The following RUSC2 variants were observed in gnomAD, a reference collection of about 807,000 sequenced individuals.
RUSC2 encodes the protein AP-4 complex accessory subunit RUSC2.
RUSC2 carries 34 observed loss-of-function variants against 122.2 expected under a neutral mutation model. The observed-to-expected ratio is 0.28, with a 90% CI of 0.21 to 0.37. RUSC2 has a LOEUF of 0.37. Ranked by LOEUF, RUSC2 falls within the 10% of genes least tolerant of loss-of-function variation. The probability of loss-of-function intolerance (pLI) is 1.00; values close to 1 mark genes in which losing one functional copy is unlikely to be tolerated. For synonymous variants in RUSC2, 784 were observed against 790.0 expected, an observed-to-expected ratio of 0.99 and a Z score of 0.13; for missense variants, 1,747 against 1,952.4, an observed-to-expected ratio of 0.89 and a Z score of 1.98.
chr9:35,558,429 G>A lies in RUSC2; in HGVS notation c.3236-33G>A, dbSNP rs778282023. The A allele has an allele frequency of 1.2e-5, 19 of 1,613,840 alleles. No individual in the cohort carries two copies. Among genetic ancestry groups the A allele is most frequent in the Non-Finnish European group, 1.5e-5 (18 of 1,179,892 alleles). ...GCTGAATTTAGGGCTCCAGAAATTGGTCATGTGACCTGCAACCCTGGCTTC... is the reference window on the plus strand; with the variant it reads ...GCTGAATTTAGGGCTCCAGAAATTGATCATGTGACCTGCAACCCTGGCTTC... On this transcript the variant is annotated intron_variant, in intron 7 of 11. Coordinates refer to ENST00000361226, the MANE Select transcript of RUSC2 (RefSeq NM_014806.5). The surrounding 1 kb of genome is among the most constrained non-coding windows in gnomAD (Gnocchi z 4.3).
At chr9:35,502,307 A>G (rs1820831599) in intron 1 of RUSC2, among the ~76,000 whole-genome samples, 1 of 152,156 alleles carries the variant, frequency 6.6e-6, no homozygotes, top group African/African-American at 2.4e-5. Context: ...CCTAAGAAAA[A>G]GCCCTGGTGC....
chr9:35,547,797 A>C lies in RUSC2; in HGVS notation c.1276A>C (p.Lys426Gln), dbSNP rs759667346. Reference sequence around the variant, plus strand: ...CACTAGCTGCTCTGAGGAACACACCAAGATAAGTCCCCCACCAGGCCCTGG... The same window carrying C: ...CACTAGCTGCTCTGAGGAACACACCCAGATAAGTCCCCCACCAGGCCCTGG... The part of the protein sequence containing the change: ...SITSCSEEHT[K>Q]ISPPPGPGPD... Residue 426 changes from lysine to glutamine, a missense_variant, in exon 2 of 12, where the codon AAG (lysine) becomes CAG (glutamine). Physicochemically the swap from Lys to Gln is moderately conservative, Grantham distance 53. Coordinates refer to ENST00000361226, the MANE Select transcript of RUSC2 (RefSeq NM_014806.5). This position sits in a 1 kb window ranked among gnomAD's most constrained non-coding sequence, Gnocchi z 4.6. The C allele has an allele frequency of 6.8e-6, 11 of 1,613,996 alleles. No individual in the cohort carries two copies. The highest frequency in any genetic ancestry group is 1.3e-5 in the African/African-American group (1 of 74,926).
At chr9:35,552,277 CT>C (rs1355402776) in intron 2 of RUSC2, among the ~76,000 whole-genome samples, 1 of 152,208 alleles carries the variant, frequency 6.6e-6, no homozygotes, top group Non-Finnish European at 1.5e-5. Flanking sequence ...ACAATAATCG[CT>C]TGAACCTGGA....
At chr9:35,508,608 T>C (rs962969589) in intron 1 of RUSC2, among the ~76,000 whole-genome samples, 8 of 152,242 alleles carry the variant, frequency 5.3e-5, no homozygotes, top group Middle Eastern at 3.2e-3. Context: ...TGGTATACTC[T>C]TTAAGCTATC....
At chr9:35,496,209 G>C (rs1820709674) in intron 1 of RUSC2, among the ~76,000 whole-genome samples, 2 of 152,126 alleles carry the variant, frequency 1.3e-5, no homozygotes, top group Admixed American at 1.3e-4. Context: ...GCATGAGAGA[G>C]CCAAACTTCA....
intron 9 of RUSC2, 67 bp downstream of exon 9, chr9:35,559,339 A>G: frequency 7.4e-7 from 1 of 1,349,234 alleles, no homozygotes; most frequent in Non-Finnish European, 1.1e-6. Context: ...AGAGGAAGGA[A>G]GAGCTGTCTT....
At position 35,561,046 on chromosome 9, in the gene RUSC2, A is replaced by G. The variant is rs922074154; in HGVS notation, c.4298A>G (p.Lys1433Arg). 4.3e-6 allele frequency: 7 copies of G among 1,614,172 alleles called. No homozygotes were observed. The highest frequency in any genetic ancestry group is 5.9e-6 in the Non-Finnish European group (7 of 1,180,008). ...GGTTCCCGCCGGGAGCCAGAGCCCA[A>G]GGAGAGCCTGCAGGAGCCACACTCC... The part of the protein sequence containing the change: ...TVGSRREPEP[K>R]ESLQEPHSPA... Residue 1433 changes from lysine (K) to arginine (R), a missense_variant, in exon 11 of 12, where the codon AAG becomes AGG. By Grantham distance (26) the Lys-to-Arg change is conservative. Coordinates refer to ENST00000361226, the MANE Select transcript of RUSC2 (RefSeq NM_014806.5).
Position 35,532,031 on chromosome 9 carries a change from A to G in RUSC2, c.-92-14399A>G, listed in dbSNP as rs1445380100. Among the ~76,000 whole-genome samples the G allele has an allele frequency of 3.3e-5, 5 of 152,188 alleles. No individual in the cohort carries two copies. The East Asian group carries it at 9.6e-4, about 29-fold the overall frequency. Reference sequence around the variant, plus strand: ...ACAGAGCAAGACTCTGTCTAAAAACAAAACAAAAAGAAATTAAGTCAATGC... The same window carrying G: ...ACAGAGCAAGACTCTGTCTAAAAACGAAACAAAAAGAAATTAAGTCAATGC... On this transcript the variant is annotated intron_variant, in intron 1 of 11. Coordinates refer to ENST00000361226, the MANE Select transcript of RUSC2 (RefSeq NM_014806.5).
intron 2 of RUSC2, among the ~76,000 whole-genome samples, chr9:35,552,862 T>C (rs1017788038): frequency 6.6e-6 from 1 of 152,164 alleles, no homozygotes; most frequent in Non-Finnish European, 1.5e-5. Context: ...TAAGACCCAT[T>C]CCCCACAGGG....
At position 35,561,281 on chromosome 9, in the gene RUSC2, T is replaced by C. The variant is rs762700848; in HGVS notation, c.4450T>C (p.Trp1484Arg). 36 of 1,613,984 alleles carry C rather than the reference T, an allele frequency of 2.2e-5. No individual in the cohort carries two copies. Among genetic ancestry groups the C allele is most frequent in the Non-Finnish European group, 3.1e-5 (36 of 1,180,000 alleles). The change falls in exon 12 of 12, where the codon TGG becomes CGG. Residue 1484 changes from tryptophan (W) to arginine (R), a missense_variant. Trp to Arg is a moderately radical substitution (Grantham distance 101). Transcript: ENST00000361226. Reference protein sequence around the residue: ...LRVLGRAGGDWLRCSRGPDSG... With the variant: ...LRVLGRAGGDRLRCSRGPDSG... Reference sequence around the variant, plus strand: ...AGTGCTGGGGCGAGCTGGAGGAGACTGGCTGCGCTGCAGCCGTGGCCCCGA... The same window carrying C: ...AGTGCTGGGGCGAGCTGGAGGAGACCGGCTGCGCTGCAGCCGTGGCCCCGA...
chr9:35,512,884 A>G (rs1378635556), intron 1 of RUSC2, among the ~76,000 whole-genome samples: 2 of 152,152 alleles, frequency 1.3e-5, no homozygotes, highest in Non-Finnish European at 2.9e-5. Flanking sequence ...AAATAATAAC[A>G]TTAAGTTTAA....
Position 35,547,460 on chromosome 9 carries a change from C to T in RUSC2, c.939C>T (p.Ser313=). Reference sequence around the variant, plus strand: ...CCTGCAGCGACTCTTCCTTCTGCAGCCACTCAGACCCTGGCGCCTTCTATC... The same window carrying T: ...CCTGCAGCGACTCTTCCTTCTGCAGTCACTCAGACCCTGGCGCCTTCTATC... The part of the protein sequence containing the change: ...PQSCSDSSFC[S]HSDPGAFYLD... The change falls in exon 2 of 12, where the codon AGC becomes AGT. Residue 313 remains serine (S), a synonymous_variant. Coordinates refer to ENST00000361226, the MANE Select transcript of RUSC2 (RefSeq NM_014806.5). This position sits in a 1 kb window ranked among gnomAD's most constrained non-coding sequence, Gnocchi z 4.6. 1 of 1,614,240 alleles carries T rather than the reference C, an allele frequency of 6.2e-7. No homozygotes were observed. The highest frequency in any genetic ancestry group is 8.5e-7 in the Non-Finnish European group (1 of 1,180,044).
rs958784489 is a variant in RUSC2 at position 35,555,362 on chromosome 9, C to T, written c.2317C>T (p.Arg773Trp). The change falls in exon 3 of 12, where the codon CGG becomes TGG. Residue 773 changes from arginine (R) to tryptophan (W), a missense_variant. Physicochemically the swap from Arg to Trp is moderately radical, Grantham distance 101. Transcript: ENST00000361226. This position sits in a 1 kb window ranked among gnomAD's most constrained non-coding sequence, Gnocchi z 4.6. The stretch of plus-strand genomic sequence containing the variant: ...AGCTGGGTCTGAGCCAGAGACCTCT[C>T]GGCCATCGCCCCTGGGCAGCTACTC... Reference protein sequence around the residue: ...RKAGSEPETSRPSPLGSYSPI... With the variant: ...RKAGSEPETSWPSPLGSYSPI... The T allele has an allele frequency of 1.2e-6, 2 of 1,614,234 alleles. No homozygotes were observed. Among genetic ancestry groups the T allele is most frequent in the Non-Finnish European group, 1.7e-6 (2 of 1,180,034 alleles).
In RUSC2 at chr9:35,529,532, T is replaced by A. The variant is rs149835812; in HGVS notation, c.-92-16898T>A. 8.0e-5 allele frequency among the ~76,000 whole-genome samples: 12 copies of A among 150,426 alleles called. No homozygotes were observed. The East Asian group carries it at 2.3e-3, about 29-fold the overall frequency. On this transcript the variant is annotated intron_variant, in intron 1 of 11. Transcript: ENST00000361226. ...ACATAAAACCTATTGACATACTAGA[T>A]GTGACAGTCAGTCTGTCACTTTGCA...
Position 35,538,169 on chromosome 9 carries a change from C to T in RUSC2, c.-92-8261C>T, listed in dbSNP as rs541819826. On this transcript the variant is annotated intron_variant, in intron 1 of 11. Coordinates refer to ENST00000361226, the MANE Select transcript of RUSC2 (RefSeq NM_014806.5). ...CAGCTGGACCCAGCTGAGCACTGAC[C>T]GAGAACTGATGTATGTGAGAGGGGC... Among the ~76,000 whole-genome samples, 5 of 152,244 alleles carry T rather than the reference C, an allele frequency of 3.3e-5. No homozygotes were observed. The East Asian group carries it at 9.6e-4, about 29-fold the overall frequency.
rs747807778 is a variant in RUSC2, at chr9:35,547,871, G to A, written c.1350G>A (p.Lys450=). The A allele has an allele frequency of 6.2e-7, 1 of 1,614,174 alleles. No homozygotes were observed. Among genetic ancestry groups the A allele is most frequent in the South Asian group, 1.1e-5 (1 of 91,080 alleles). Residue 450 remains lysine (K), a synonymous_variant, in exon 2 of 12, where the codon AAG becomes AAA. Transcript: ENST00000361226. This position sits in a 1 kb window ranked among gnomAD's most constrained non-coding sequence, Gnocchi z 4.6. ...CCTCTGAGTATTACCTATTCCAGAA[G>A]CCAGAAGTCCAGCCAGAGGAACAAG... ...SQPSEYYLFQ[K]PEVQPEEQEA...
intron 1 of RUSC2, among the ~76,000 whole-genome samples, chr9:35,539,709 G>A (rs537246417): frequency 2.0e-5 from 3 of 152,272 alleles, no homozygotes; most frequent in African/African-American, 4.8e-5. Context: ...GTGTCTGGCA[G>A]GGGCAGGGAC....
At chr9:35,532,983 C>T (rs1404146882) in intron 1 of RUSC2, among the ~76,000 whole-genome samples, 2 of 151,934 alleles carry the variant, frequency 1.3e-5, no homozygotes, top group East Asian at 1.9e-4. Flanking sequence ...TGGTGGCTCA[C>T]GCCTGTAATC....
intron 1 of RUSC2, among the ~76,000 whole-genome samples, chr9:35,515,078 A>G (rs1033180169): frequency 2.0e-5 from 3 of 152,200 alleles, no homozygotes; most frequent in Non-Finnish European, 2.9e-5. Context: ...TTGATTGGCA[A>G]CTAATAATCT....
Sources: allele counts gnomAD v4.1 joint callset (sites outside exome capture counted in the v4.1 genomes callset), GRCh38; gene constraint gnomAD v4.1.1; non-coding constraint Gnocchi (gnomAD v3.1); transcripts MANE v1.5; gene names NCBI Gene and HGNC (gene_info 2026-07-23, HGNC 2026-07-21).